The following PREX2 variants were observed in gnomAD, a reference collection of about 807,000 sequenced individuals.
PREX2 encodes the protein phosphatidylinositol 3,4,5-trisphosphate-dependent Rac exchanger 2 protein.
Under a neutral mutation model 203.2 loss-of-function variants are expected in PREX2, and 107 were observed. The ratio of observed to expected loss-of-function variants is 0.53; its 90% confidence interval spans 0.45 to 0.62. PREX2 has a LOEUF of 0.62. PREX2 is among the 20% of genes least tolerant of loss of function. PREX2 has a pLI of 0.00. For missense variants in PREX2, 1,777 were observed against 1,955.9 expected, an observed-to-expected ratio of 0.91 and a Z score of 1.72; for synonymous variants, 672 against 663.6, an observed-to-expected ratio of 1.01 and a Z score of -0.19.
chr8:68,041,618 C>G (rs1179847417), intron 7 of PREX2, among the ~76,000 whole-genome samples: 1 of 151,950 alleles, frequency 6.6e-6, no homozygotes, highest in Non-Finnish European at 1.5e-5. Flanking sequence ...TTTTATTATG[C>G]TCTTCTAGGT....
At chr8:68,023,919 ATGATTTTACTTC>A (rs1249081026) in intron 4 of PREX2, among the ~76,000 whole-genome samples, 2 of 152,078 alleles carry the variant, frequency 1.3e-5, no homozygotes, top group African/African-American at 2.4e-5. Flanking sequence ...GATAATAAAG[ATGATTTTACTTC>A]TTCTTTTCCA....
intron 4 of PREX2, among the ~76,000 whole-genome samples, chr8:68,025,610 A>G (rs1352260103): frequency 2.0e-5 from 3 of 151,954 alleles, no homozygotes; most frequent in Non-Finnish European, 2.9e-5. Context: ...TTTCTTCTTC[A>G]GTGACCCCAA....
At chr8:67,979,959 T>C (rs1163376382) in intron 1 of PREX2, among the ~76,000 whole-genome samples, 1 of 152,200 alleles carries the variant, frequency 6.6e-6, no homozygotes, top group Non-Finnish European at 1.5e-5. Flanking sequence ...ACACTTACAA[T>C]ATGCCATCTC....
intron 23 of PREX2, 29 bp from the exon 24 acceptor site, chr8:68,108,080 C>T: frequency 2.6e-6 from 4 of 1,523,708 alleles, no homozygotes; most frequent in Non-Finnish European, 3.6e-6. Context: ...GTGTGTTCAA[C>T]TGCTTTTTAT....
intron 25 of PREX2, among the ~76,000 whole-genome samples, chr8:68,113,566 A>C (rs1010370622): frequency 6.6e-6 from 1 of 152,320 alleles, no homozygotes; most frequent in Middle Eastern, 3.4e-3. Flanking sequence ...TTGGTTATTA[A>C]AAATGTTCAC....
intron 35 of PREX2, among the ~76,000 whole-genome samples, chr8:68,173,936 T>G (rs976371023): frequency 6.6e-6 from 1 of 152,182 alleles, no homozygotes; most frequent in African/African-American, 2.4e-5. Flanking sequence ...AAAAAGATAG[T>G]TAGGGAAATA....
intron 1 of PREX2, among the ~76,000 whole-genome samples, chr8:67,959,175 A>C (rs892595487): frequency 6.6e-6 from 1 of 152,122 alleles, no homozygotes; most frequent in African/African-American, 2.4e-5. Flanking sequence ...GAACTAGGAG[A>C]AGTTGATACT....
rs1813256712 is a variant in PREX2, at chr8:68,235,926, CCT to C, written c.*4552_*4553del. On this transcript the variant is annotated 3_prime_UTR_variant, in exon 40 of 40. Transcript: ENST00000288368. ...CCTGCTTCACTCAGGATAGCTTGCT[CCT>C]CTCGCTGAGAAGAGATACCTGAAGT... The C allele has an allele frequency of 6.6e-6, 1 of 152,078 alleles. No individual in the cohort carries two copies. The highest frequency in any genetic ancestry group is 1.5e-5 in the Non-Finnish European group (1 of 68,014). The allele number at this position is 152,078 out of a possible 1,614,324, so 9.4% of individuals were successfully genotyped here.
intron 1 of PREX2, among the ~76,000 whole-genome samples, chr8:67,957,240 A>T (rs1165379385): frequency 6.6e-6 from 1 of 152,106 alleles, no homozygotes; most frequent in Non-Finnish European, 1.5e-5. Flanking sequence ...CTTCTTAATG[A>T]TATTCTTATA....
At chr8:68,201,766 A>G (rs2129614900) in intron 37 of PREX2, among the ~76,000 whole-genome samples, 1 of 152,272 alleles carries the variant, frequency 6.6e-6, no homozygotes, top group East Asian at 1.9e-4. Flanking sequence ...TAACCATCAT[A>G]GGGCTGAAGG....
intron 1 of PREX2, among the ~76,000 whole-genome samples, chr8:67,991,052 A>G (rs73257995): frequency 0.043 from 6,616 of 152,186 alleles, 452 homozygotes; most frequent in African/African-American, 0.14. Context: ...CCCGATTTGT[A>G]TGTGTCGGTG....
Position 68,041,706 on chromosome 8 carries a change from G to A in PREX2, c.840-2781G>A, listed in dbSNP as rs1585730374. On this transcript the variant is annotated intron_variant, in intron 7 of 39. Coordinates refer to ENST00000288368, the MANE Select transcript of PREX2 (RefSeq NM_024870.4). ...TGTAGGAGAGGTTGTTATTTTACTT[G>A]TGTGTTACTCGTTAAGAAACTGTAA... 2.0e-5 allele frequency among the ~76,000 whole-genome samples: 3 copies of A among 152,078 alleles called. 1 individual carries two copies. The highest frequency in any genetic ancestry group is 2.0e-4 in the Admixed American group (3 of 15,236).
Position 68,134,246 on chromosome 8 carries a change from T to A in PREX2, c.3954T>A (p.Phe1318Leu), listed in dbSNP as rs1158831274. The change falls in exon 32 of 40, where the codon TTT becomes TTA. Residue 1318 changes from phenylalanine (F) to leucine (L), a missense_variant. Transcript: ENST00000288368. ...LDQIANAGVL[F>L]HFQSLLSPNL... Reference sequence around the variant, plus strand: ...AGATAGCGAATGCAGGTGTTCTTTTTCACTTTCAGTCACTTCTGTCACCAA... The same window carrying A: ...AGATAGCGAATGCAGGTGTTCTTTTACACTTTCAGTCACTTCTGTCACCAA... 6.2e-7 allele frequency: 1 copy of A among 1,614,078 alleles called. No homozygotes were observed. The highest frequency in any genetic ancestry group is 8.5e-7 in the Non-Finnish European group (1 of 1,179,970).
At position 68,128,521 on chromosome 8, in the gene PREX2, GGC is replaced by G; in HGVS notation, c.3766+1103_3766+1104del. On this transcript the variant is annotated intron_variant, in intron 31 of 39. Coordinates refer to ENST00000288368, the MANE Select transcript of PREX2 (RefSeq NM_024870.4). Reference sequence around the variant, plus strand: ...TGTGTCTGCAGTCAGGTGGTGGGTTGGCTAGGCACAGGTGATCTAGGGTGGCC... The same window carrying G: ...TGTGTCTGCAGTCAGGTGGTGGGTTGTAGGCACAGGTGATCTAGGGTGGCC... Among the ~76,000 whole-genome samples, 3 of 152,228 alleles carry G rather than the reference GGC, an allele frequency of 2.0e-5. No individual in the cohort carries two copies. The East Asian group carries it at 5.8e-4, about 29-fold the overall frequency.
chr8:68,037,431 C>T (rs1006419292), intron 6 of PREX2, among the ~76,000 whole-genome samples: 8 of 152,078 alleles, frequency 5.3e-5, no homozygotes, highest in East Asian at 1.9e-4. Flanking sequence ...CACCACAGTC[C>T]GATACTCGTG....
Position 68,119,445 on chromosome 8 carries a change from C to T in PREX2, c.3435C>T (p.Pro1145=). The change falls in exon 28 of 40, where the codon CCC becomes CCT. Residue 1145 remains proline (P), a synonymous_variant. Coordinates refer to ENST00000288368, the MANE Select transcript of PREX2 (RefSeq NM_024870.4). ...TTTGACATCTAGGTGATGAACTTCC[C>T]TTAAGTGTTCGCATATCTCATGATA... ...SDEMDSGDEL[P]LSVRISHDKQ... The T allele has an allele frequency of 6.2e-7, 1 of 1,613,052 alleles. No homozygotes were observed. The highest frequency in any genetic ancestry group is 8.5e-7 in the Non-Finnish European group (1 of 1,179,356).
chr8:68,006,611 C>G (rs181409202), intron 1 of PREX2, among the ~76,000 whole-genome samples: 8 of 152,248 alleles, frequency 5.3e-5, no homozygotes, highest in Non-Finnish European at 1.0e-4. Flanking sequence ...GGCCTCCAGA[C>G]TACACCCCCC....
At chr8:68,227,384 A>ACAGTGGGTGCAGAAGGGAAG (rs1813075113) in intron 39 of PREX2, among the ~76,000 whole-genome samples, 2 of 152,128 alleles carry the variant, frequency 1.3e-5, no homozygotes, top group African/African-American at 4.8e-5. Context: ...TTCCTCTGAG[A>ACAGTGGGTGCAGAAGGGAAG]CAGTGGGTGC....
In PREX2 at chr8:68,044,993, T is replaced by A. The variant is rs76778357; in HGVS notation, c.943+403T>A. Among the ~76,000 whole-genome samples the A allele has an allele frequency of 7.5e-4, 114 of 152,258 alleles. 1 individual carries two copies. The East Asian group carries it at 0.02, about 27-fold the overall frequency. ...TAAAATATAGCAAACTATAGATTTG[T>A]CTTAGCTATGTAGTTGTTTTTCATA... On this transcript the variant is annotated intron_variant, in intron 8 of 39. Transcript: ENST00000288368.
Sources: gnomAD v4.1 joint callset for allele counts (sites outside exome capture counted in the v4.1 genomes callset) on GRCh38, gnomAD v4.1.1 for gene constraint, MANE v1.5 for transcripts, NCBI Gene and HGNC (gene_info 2026-07-23, HGNC 2026-07-21) for gene names.